The following CNTN5 variants were observed in gnomAD, a reference collection of about 807,000 sequenced individuals.
The protein encoded by CNTN5 is contactin-5.
A neutral mutation model predicts 129.1 loss-of-function variants in CNTN5; 77 were observed. That is an observed-to-expected ratio of 0.60 (90% CI 0.50 to 0.72). The LOEUF is 0.72. Among genes scored for constraint, CNTN5 ranks in the 30% least tolerant of loss-of-function variants. CNTN5 has a pLI of 0.00. For synonymous variants in CNTN5, 509 were observed against 465.6 expected (o/e 1.09, Z -1.20); for missense variants, 1,478 against 1,328.8 (o/e 1.11, Z -1.75).
intron 2 of CNTN5, among the ~76,000 whole-genome samples, chr11:99,408,448 G>GAAAGAGAAAGAAAGAAAGAAAGAA (rs71305322): frequency 3.1e-4 from 24 of 78,130 alleles, no homozygotes; most frequent in South Asian, 5.3e-4. Flanking sequence ...AAGAAAGAAA[G>GAAAGAGAAAGAAAGAAAGAAAGAA]AGAAAGAAAG....
chr11:99,550,580 T>C (rs78812504), intron 2 of CNTN5, among the ~76,000 whole-genome samples: 2,474 of 152,250 alleles, frequency 0.016, 64 homozygotes, highest in African/African-American at 0.055. Context: ...AAAAGAGATG[T>C]TTCTTCATTT....
chr11:100,133,793 C>T (rs905876453), intron 13 of CNTN5, among the ~76,000 whole-genome samples: 2 of 151,928 alleles, frequency 1.3e-5, no homozygotes, highest in African/African-American at 2.4e-5. Flanking sequence ...GGGAGGTTAC[C>T]GAGGGTAAGT....
intron 9 of CNTN5, among the ~76,000 whole-genome samples, chr11:100,059,692 C>T (rs937910021): frequency 1.3e-5 from 2 of 151,890 alleles, no homozygotes; most frequent in African/African-American, 2.4e-5. Flanking sequence ...TGATCAAATG[C>T]GATGCTGGCA....
chr11:100,309,941 T>G (rs1268558194), intron 21 of CNTN5, among the ~76,000 whole-genome samples: 1 of 151,936 alleles, frequency 6.6e-6, no homozygotes, highest in Non-Finnish European at 1.5e-5. Flanking sequence ...TGACTGATAC[T>G]TGTCTCTTAC....
intron 2 of CNTN5, among the ~76,000 whole-genome samples, chr11:99,380,977 C>A (rs1214937421): frequency 2.6e-5 from 4 of 151,904 alleles, no homozygotes. Flanking sequence ...TAAGAAGTAC[C>A]AAAATCTGAG....
At chr11:99,511,156 T>C (rs1946821166) in intron 2 of CNTN5, among the ~76,000 whole-genome samples, 1 of 152,212 alleles carries the variant, frequency 6.6e-6, no homozygotes, top group Admixed American at 6.6e-5. Context: ...TTTGGATCTT[T>C]CCTGCTTTCT....
chr11:99,866,426 A>G (rs1286932234), intron 6 of CNTN5, among the ~76,000 whole-genome samples: 1 of 152,264 alleles, frequency 6.6e-6, no homozygotes, highest in South Asian at 2.1e-4. Flanking sequence ...TTAATTTGCA[A>G]TACAATCTGC....
chr11:99,410,041 G>A (rs1030586306), intron 2 of CNTN5, among the ~76,000 whole-genome samples: 3 of 152,128 alleles, frequency 2.0e-5, no homozygotes, highest in African/African-American at 7.2e-5. Context: ...TGTTTTGCCA[G>A]GGATATGATA....
chr11:99,381,332 G>T (rs2136160117), intron 2 of CNTN5, among the ~76,000 whole-genome samples: 1 of 152,276 alleles, frequency 6.6e-6, no homozygotes, highest in Non-Finnish European at 1.5e-5. Context: ...AAGAATAAAA[G>T]AAGTTGGTGA....
intron 1 of CNTN5, among the ~76,000 whole-genome samples, chr11:99,113,050 T>C (rs1857876111): frequency 6.6e-6 from 1 of 152,088 alleles, no homozygotes; most frequent in African/African-American, 2.4e-5. Context: ...ACCGTATTAA[T>C]GGATAGTTTC....
intron 8 of CNTN5, among the ~76,000 whole-genome samples, chr11:99,990,938 G>A (rs147317854): frequency 1.3e-5 from 2 of 152,140 alleles, no homozygotes; most frequent in African/African-American, 2.4e-5. Flanking sequence ...GATTGCTTCA[G>A]TGTTGCAACA....
At chr11:99,548,374 G>A (rs1037380786) in intron 2 of CNTN5, among the ~76,000 whole-genome samples, 1 of 152,186 alleles carries the variant, frequency 6.6e-6, no homozygotes, top group African/African-American at 2.4e-5. Flanking sequence ...ATCAGTCTGA[G>A]CAGTGAGAAT....
chr11:99,575,857 A>T (rs1949330621), intron 3 of CNTN5, among the ~76,000 whole-genome samples: 1 of 152,182 alleles, frequency 6.6e-6, no homozygotes, highest in South Asian at 2.1e-4. Context: ...AGCATAAGAC[A>T]TCAGTTAGAG....
At chr11:99,499,251 A>G (rs762615855) in intron 2 of CNTN5, among the ~76,000 whole-genome samples, 2 of 152,116 alleles carry the variant, frequency 1.3e-5, no homozygotes, top group Non-Finnish European at 2.9e-5. Flanking sequence ...TGTTATACCT[A>G]GTGCTATGGT....
intron 6 of CNTN5, among the ~76,000 whole-genome samples, chr11:99,882,048 G>C (rs1948785322): frequency 6.6e-6 from 1 of 152,168 alleles, no homozygotes; most frequent in South Asian, 2.1e-4. Context: ...AAATTGTGGA[G>C]AGGCATATAA....
At chr11:100,043,411 G>C (rs1942480693) in intron 9 of CNTN5, among the ~76,000 whole-genome samples, 1 of 151,996 alleles carries the variant, frequency 6.6e-6, no homozygotes, top group Admixed American at 6.6e-5. Context: ...ATATTCCAAA[G>C]CTCCAAATAA....
chr11:99,658,792 G>A (rs1170437644), intron 3 of CNTN5, among the ~76,000 whole-genome samples: 1 of 148,468 alleles, frequency 6.7e-6, no homozygotes, highest in South Asian at 2.1e-4. Flanking sequence ...GGAGGCTGAG[G>A]CAGGAGAATT....
chr11:99,103,801 C>T (rs146504966), intron 1 of CNTN5, among the ~76,000 whole-genome samples: 2 of 150,270 alleles, frequency 1.3e-5, no homozygotes, highest in South Asian at 4.2e-4. Context: ...GAAAGAGACA[C>T]ATAGGGGACA....
At chr11:99,231,611 C>G (rs577486373) in intron 1 of CNTN5, among the ~76,000 whole-genome samples, 49 of 152,256 alleles carry the variant, frequency 3.2e-4, no homozygotes, top group African/African-American at 1.0e-3. Flanking sequence ...TCTGTTCACT[C>G]TGATGATAGT....
Sources: gnomAD v4.1 joint callset for allele counts (sites outside exome capture counted in the v4.1 genomes callset) on GRCh38, gnomAD v4.1.1 for gene constraint, MANE v1.5 for transcripts, NCBI Gene and HGNC (gene_info 2026-07-23, HGNC 2026-07-21) for gene names.